ZNF607: variants seen among roughly 807,000 people sequenced by gnomAD.
ZNF607 encodes zinc finger protein 607.
Under a neutral mutation model 12.8 loss-of-function variants are expected in ZNF607, and 5 were observed. The ratio of observed to expected loss-of-function variants is 0.39; its 90% CI spans 0.20 to 0.82. The LOEUF (loss-of-function observed/expected upper bound fraction) is 0.82, where lower values mean the gene tolerates loss of function less well. Among genes scored for constraint, ZNF607 ranks in the 40% least tolerant of loss-of-function variants. The pLI, the probability that ZNF607 is intolerant of heterozygous loss-of-function variation, is 0.39. For synonymous variants in ZNF607, 287 were observed against 276.2 expected, an observed-to-expected ratio of 1.04 and a Z score of -0.39; for missense variants, 851 against 859.2, an observed-to-expected ratio of 0.99 and a Z score of 0.12.
At position 37,698,529 on chromosome 19, in the gene ZNF607, T is replaced by C. The variant is rs140805055; in HGVS notation, c.1602A>G (p.Glu534=). Residue 534 remains glutamate (E), a synonymous_variant, in exon 5 of 5, where the codon GAA becomes GAG. Transcript: ENST00000355202. The stretch of plus-strand genomic sequence containing the variant: ...TAAAAGACTTCCCGCATTTGTTGCA[T>C]TCAAAGGGTTTCTTACCACTGTGAA... ...LSIHSGKKPF[E]CNKCGKSFRF... 250 of 1,612,000 alleles carry C rather than the reference T, an allele frequency of 1.6e-4. 1 individual carries two copies. The African/African-American group carries it at 2.7e-3, about 17-fold the overall frequency.
rs1568406070 is a variant in ZNF607 at position 37,708,001 on chromosome 19, CG to C, written c.147del (p.Val50TyrfsTer6). The C allele has an allele frequency of 4.3e-6, 7 of 1,612,146 alleles. No homozygotes were observed. The South Asian group carries it at 6.6e-5, about 15-fold the overall frequency. On this transcript the variant is annotated frameshift_variant, in exon 4 of 5. Coordinates refer to ENST00000355202, the MANE Select transcript of ZNF607 (RefSeq NM_032689.5). LOFTEE classifies it high-confidence loss of function. ...YDNLVSLAGH[S>X]VSKPDLITLL... ...AAGGTGATTAAATCTGGCTTAGATA[CG>C]GAATGTCCTGCTTACAAAGAAAAGA...
Position 37,699,861 on chromosome 19 carries a change from C to T in ZNF607, c.270G>A (p.Gly90=). 1 of 1,599,644 alleles carries T rather than the reference C, an allele frequency of 6.3e-7. No individual in the cohort carries two copies. ...LDSRCEIISD[G]KMQLYRKHSC... Reference sequence around the variant, plus strand: ...AGTGTTTCCTATAAAGCTGCATTTTCCCATCGCTGATTATTTCACATCTTG... The same window carrying T: ...AGTGTTTCCTATAAAGCTGCATTTTTCCATCGCTGATTATTTCACATCTTG... The change falls in exon 5 of 5, where the codon GGG becomes GGA. Residue 90 remains glycine (G), a synonymous_variant. Coordinates refer to ENST00000355202, the MANE Select transcript of ZNF607 (RefSeq NM_032689.5).
In ZNF607 at chr19:37,698,653, G is replaced by GT; in HGVS notation, c.1477dup (p.Thr493AsnfsTer10). The GT allele has an allele frequency of 6.2e-7, 1 of 1,612,770 alleles. No individual in the cohort carries two copies. The highest frequency in any genetic ancestry group is 8.5e-7 in the Non-Finnish European group (1 of 1,179,742). ...ACCAGTATGAACTCTGCGATGTATA[G>GT]TGAGTTTATGGCTATAACTAAAACC... is the stretch of plus-strand genomic sequence containing the variant. On this transcript the variant is annotated frameshift_variant, in exon 5 of 5. Transcript: ENST00000355202. LOFTEE classifies it low-confidence loss of function (END_TRUNC).
intron 1 of ZNF607, among the ~76,000 whole-genome samples, chr19:37,718,290 T>C (rs2045194941): frequency 6.6e-6 from 1 of 152,188 alleles, no homozygotes; most frequent in African/African-American, 2.4e-5. Context: ...TAAGTTCATA[T>C]TCTTGTTGCT....
chr19:37,716,610 C>T (rs900273354), intron 1 of ZNF607, among the ~76,000 whole-genome samples: 2 of 152,156 alleles, frequency 1.3e-5, no homozygotes, highest in African/African-American at 4.8e-5. Flanking sequence ...AAAGACAAAA[C>T]CACACACAAG....
chr19:37,702,619 G>A (rs748749743), intron 4 of ZNF607, among the ~76,000 whole-genome samples: 1 of 152,098 alleles, frequency 6.6e-6, no homozygotes, highest in Non-Finnish European at 1.5e-5. Flanking sequence ...CAGAATATAA[G>A]AAAAGCATCA....
rs1207480246 is a variant in ZNF607 at position 37,703,913 on chromosome 19, G to A, written c.235+4001C>T. ...ACACTTTGGGAGGCCGAGGTGGGCA[G>A]ATCATGAGGTCAGGAGATCGAGACT... On this transcript the variant is annotated intron_variant, in intron 4 of 4. Coordinates refer to ENST00000355202, the MANE Select transcript of ZNF607 (RefSeq NM_032689.5). Among the ~76,000 whole-genome samples the A allele has an allele frequency of 2.0e-5, 3 of 152,180 alleles. No homozygotes were observed. In the East Asian group the frequency reaches 5.8e-4, roughly 29 times the overall value.
chr19:37,717,412 C>G (rs1270984536), intron 1 of ZNF607, among the ~76,000 whole-genome samples: 1 of 151,962 alleles, frequency 6.6e-6, no homozygotes, highest in Non-Finnish European at 1.5e-5. Flanking sequence ...GTCTCAATCT[C>G]CTGACCTCAT....
At chr19:37,713,005 G>C (rs2045145009) in intron 1 of ZNF607, among the ~76,000 whole-genome samples, 1 of 151,756 alleles carries the variant, frequency 6.6e-6, no homozygotes, top group East Asian at 1.9e-4. Flanking sequence ...TTAACAGAAG[G>C]GTTTATTTCG....
At position 37,705,685 on chromosome 19, in the gene ZNF607, C is replaced by CAA. The variant is rs978057659; in HGVS notation, c.235+2227_235+2228dup. 4.5e-3 allele frequency among the ~76,000 whole-genome samples: 235 copies of CAA among 52,464 alleles called. 3 individuals are homozygous for CAA. The highest frequency in any genetic ancestry group is 4.8e-3 in the Non-Finnish European group (132 of 27,280). The allele number at this position is 52,464 out of a possible 152,430, so 34.4% of individuals were successfully genotyped here. On this transcript the variant is annotated intron_variant, in intron 4 of 4. Coordinates refer to ENST00000355202, the MANE Select transcript of ZNF607 (RefSeq NM_032689.5). The stretch of plus-strand genomic sequence containing the variant: ...GGGCAAGAAAGCAAGACTCTCTCTC[C>CAA]AAAAAAAAAAAAAAAAAAAAACTTA...
Position 37,697,222 on chromosome 19 carries a change from C to A in ZNF607, c.*818G>T, listed in dbSNP as rs2909090. On this transcript the variant is annotated 3_prime_UTR_variant, in exon 5 of 5. Coordinates refer to ENST00000355202, the MANE Select transcript of ZNF607 (RefSeq NM_032689.5). ...CAGTCAAAGATAATTGGTTTTTGTA[C>A]ACATGGGATGAGAAAGTGAGTCCCT... 1 of 740,480 alleles carries A rather than the reference C, an allele frequency of 1.4e-6. No homozygotes were observed. Among genetic ancestry groups the A allele is most frequent in the Non-Finnish European group, 2.5e-6 (1 of 398,718 alleles). 45.9% of individuals were successfully genotyped at this position (740,480 alleles called of 1,614,324 possible). A position where few individuals can be genotyped will look rare whatever the true frequency, so the allele number is the denominator to read the frequency against.
At chr19:37,718,850 C>A (rs932192293) in intron 1 of ZNF607, among the ~76,000 whole-genome samples, 1 of 152,118 alleles carries the variant, frequency 6.6e-6, no homozygotes, top group Non-Finnish European at 1.5e-5. Flanking sequence ...TATAAATTCC[C>A]ACTTGTTCAT....
Position 37,699,047 on chromosome 19 carries a change from C to T in ZNF607, c.1084G>A (p.Glu362Lys), listed in dbSNP as rs1323814478. 2.5e-6 allele frequency: 4 copies of T among 1,613,892 alleles called. No homozygotes were observed. In the African/African-American group the frequency reaches 5.3e-5, roughly 22 times the overall value. ...LTAPHTFESV[E>K]KPYKCEECGK... ...CATTCCTCACACTTATAAGGTTTCT[C>T]AACACTTTCAAATGTATGAGGTGCA... The change falls in exon 5 of 5, where the codon GAG becomes AAG. Residue 362 changes from glutamate to lysine, a missense_variant. Glu to Lys is a moderately conservative substitution (Grantham distance 56). Transcript: ENST00000355202.
In ZNF607 at chr19:37,699,312, A is replaced by G; in HGVS notation, c.819T>C (p.Ser273=). 6.2e-7 allele frequency: 1 copy of G among 1,613,634 alleles called. No individual in the cohort carries two copies. The highest frequency in any genetic ancestry group is 8.5e-7 in the Non-Finnish European group (1 of 1,179,928). Residue 273 remains serine, a synonymous_variant, in exon 5 of 5, where the codon AGT becomes AGC. Transcript: ENST00000355202. ...CATGTGGCTTCTCTCCAGTATGAAT[A>G]CTCTGATGTACTTTAAGGCCTGCTT... The part of the protein sequence containing the change: ...RLKAGLKVHQ[S]IHTGEKPHEC...
intron 2 of ZNF607, among the ~76,000 whole-genome samples, chr19:37,710,466 CAA>C (rs74174482): frequency 5.0e-5 from 2 of 40,034 alleles, no homozygotes; most frequent in African/African-American, 8.7e-5. Flanking sequence ...AACTCCATCT[CAA>C]AAAAAAAAAA....
At chr19:37,712,756 T>A (rs1273241395) in intron 1 of ZNF607, among the ~76,000 whole-genome samples, 1 of 152,200 alleles carries the variant, frequency 6.6e-6, no homozygotes, top group Non-Finnish European at 1.5e-5. Flanking sequence ...GAAACATGTA[T>A]GTGTTTCCAA....
intron 1 of ZNF607, among the ~76,000 whole-genome samples, chr19:37,716,579 A>G (rs1054647891): frequency 3.9e-5 from 6 of 152,284 alleles, no homozygotes; most frequent in Middle Eastern, 3.4e-3. Context: ...GAGTCTGTCT[A>G]TTTCATTAAT....
At chr19:37,703,543 C>T (rs112463745) in intron 4 of ZNF607, among the ~76,000 whole-genome samples, 22 of 152,178 alleles carry the variant, frequency 1.4e-4, no homozygotes, top group African/African-American at 5.3e-4. Flanking sequence ...AATTGGAACC[C>T]TTATGCACTA....
intron 1 of ZNF607, among the ~76,000 whole-genome samples, chr19:37,711,953 C>T (rs867084038): frequency 6.6e-6 from 1 of 152,158 alleles, no homozygotes; most frequent in Admixed American, 6.5e-5. Flanking sequence ...GGCCAATGTA[C>T]GATGTTGGTG....
Sources: allele counts gnomAD v4.1 joint callset (sites outside exome capture counted in the v4.1 genomes callset), GRCh38; gene constraint gnomAD v4.1.1; transcripts MANE v1.5; gene names NCBI Gene and HGNC (gene_info 2026-07-23, HGNC 2026-07-21).